CLDN14: variants seen among roughly 807,000 people sequenced by gnomAD.
The protein encoded by CLDN14 is claudin 14.
In CLDN14, 2 loss-of-function variants were observed where a neutral mutation model predicts 2.1. The observed-to-expected ratio is 0.96, with a 90% CI of 0.39 to 3.01. CLDN14 has a LOEUF of 3.01. Ranked by LOEUF, CLDN14 falls within the 30% of genes most tolerant of loss-of-function variation. The pLI, the probability that CLDN14 is intolerant of heterozygous loss-of-function variation, is 0.09. For missense variants in CLDN14, 298 were observed against 328.0 expected (o/e 0.91, Z 0.71); for synonymous variants, 136 against 154.4 (o/e 0.88, Z 0.88).
chr21:36,513,051 A>C (rs1029923109), intron 1 of CLDN14, among the ~76,000 whole-genome samples: 1 of 152,130 alleles, frequency 6.6e-6, no homozygotes, highest in African/African-American at 2.4e-5. Context: ...CTCCTTGTTT[A>C]CAGAATCCCA....
intron 1 of CLDN14, among the ~76,000 whole-genome samples, chr21:36,547,786 G>C (rs1008032790): frequency 2.0e-5 from 3 of 152,210 alleles, no homozygotes; most frequent in Admixed American, 1.3e-4. Context: ...GCCTCCATCA[G>C]CTGGTGGCCA....
Position 36,461,474 on chromosome 21 carries a change from G to A in CLDN14, c.222C>T (p.Pro74=). 6.2e-7 allele frequency: 1 copy of A among 1,613,410 alleles called. No homozygotes were observed. The highest frequency in any genetic ancestry group is 8.5e-7 in the Non-Finnish European group (1 of 1,180,008). The part of the protein sequence containing the change: ...CQIYRSLLAL[P]QDLQAARALM... ...GGGCGCGGGCAGCCTGGAGGTCTTG[G>A]GGCAGCGCCAGCAGGGATCGGTAGA... The change falls in exon 2 of 2, where the codon CCC becomes CCT. Residue 74 remains proline, a synonymous_variant. Transcript: ENST00000399135.
At chr21:36,543,144 G>A (rs796447720) in intron 1 of CLDN14, among the ~76,000 whole-genome samples, 27 of 152,294 alleles carry the variant, frequency 1.8e-4, no homozygotes, top group African/African-American at 6.0e-4. Flanking sequence ...CAACTGCTGG[G>A]GCAGGGGCTG....
intron 2 of CLDN14, among the ~76,000 whole-genome samples, chr21:36,501,524 C>T (rs1426115999): frequency 6.6e-6 from 1 of 151,662 alleles, no homozygotes; most frequent in African/African-American, 2.4e-5. Context: ...ACATTTGGGC[C>T]TGAGACTATG....
chr21:36,490,074 ATC>A (rs1268384891), intron 2 of CLDN14, among the ~76,000 whole-genome samples: 1 of 152,238 alleles, frequency 6.6e-6, no homozygotes, highest in Non-Finnish European at 1.5e-5. Context: ...CGCTGGAAGC[ATC>A]TCTCTAGATT....
At chr21:36,539,500 AGT>A (rs1449133706) in intron 1 of CLDN14, among the ~76,000 whole-genome samples, 1 of 18,778 alleles carries the variant, frequency 5.3e-5, no homozygotes, top group Non-Finnish European at 1.5e-4. Context: ...GTGTGTGCAG[AGT>A]GTGTGGAGTG....
chr21:36,467,949 C>T (rs1483146092), intron 1 of CLDN14, among the ~76,000 whole-genome samples: 1 of 152,184 alleles, frequency 6.6e-6, no homozygotes, highest in African/African-American at 2.4e-5. Context: ...CTGAGCCCTA[C>T]TGTGCAGGTA....
chr21:36,480,860 G>A (rs1041215056), upstream of CLDN14: 1 of 152,134 alleles, frequency 6.6e-6, no homozygotes, highest in African/African-American at 2.4e-5. Context: ...AAAAAAAGAT[G>A]CAGCGAAGGA....
chr21:36,503,858 G>C (rs1224989126), intron 2 of CLDN14, among the ~76,000 whole-genome samples: 1 of 151,794 alleles, frequency 6.6e-6, no homozygotes, highest in Admixed American at 6.6e-5. Context: ...TAGCTTCCAG[G>C]TATAAGTAGA....
rs533203600 is a variant in CLDN14 at position 36,503,508 on chromosome 21, T to C, written c.-82+6855A>G. On this transcript the variant is annotated intron_variant, in intron 2 of 2. Coordinates refer to the CLDN14 transcript ENST00000342108. ...ATGGTTTTAAAAATGGGAGTTTCCC[T>C]CACAAGCTCTCTCTTTGCCTGTCGC... 2.0e-5 allele frequency among the ~76,000 whole-genome samples: 3 copies of C among 152,318 alleles called. No individual in the cohort carries two copies. In the South Asian group the frequency reaches 6.2e-4, roughly 32 times the overall value.
rs542255946 is a variant in CLDN14, at chr21:36,551,005, C to T, written c.-220+25406G>A. Among the ~76,000 whole-genome samples, 3 of 152,260 alleles carry T rather than the reference C, an allele frequency of 2.0e-5. No homozygotes were observed. Among genetic ancestry groups the T allele is most frequent in the South Asian group, 2.1e-4 (1 of 4,820 alleles). On this transcript the variant is annotated intron_variant, in intron 1 of 2. Transcript: ENST00000342108. This position sits in a 1 kb window ranked among gnomAD's most constrained non-coding sequence, Gnocchi z 4.8. ...AGAAGCAGGCACCAGGGGAAGGCCA[C>T]GTGAAGAGGGAGGCAGAGACTGCAG... is the stretch of plus-strand genomic sequence containing the variant.
At chr21:36,549,147 T>G (rs1267029605) in intron 1 of CLDN14, among the ~76,000 whole-genome samples, 2 of 145,150 alleles carry the variant, frequency 1.4e-5, no homozygotes, top group African/African-American at 2.6e-5. Context: ...TAGCTGGTGT[T>G]TTTTTTTTTT....
chr21:36,570,418 C>T (rs747101317), intron 1 of CLDN14, among the ~76,000 whole-genome samples: 2 of 152,162 alleles, frequency 1.3e-5, no homozygotes, highest in Non-Finnish European at 2.9e-5. Context: ...ATGACCTGAA[C>T]TAGTTTTTTA....
chr21:36,484,955 G>A (rs141184876), upstream of CLDN14, among the ~76,000 whole-genome samples: 9,809 of 151,448 alleles, frequency 0.065, 462 homozygotes, highest in East Asian at 0.17. Context: ...CAGGTGATCC[G>A]CCTGCCTCGG....
intron 1 of CLDN14, among the ~76,000 whole-genome samples, chr21:36,574,628 G>T (rs756382913): frequency 2.0e-5 from 3 of 152,168 alleles, no homozygotes; most frequent in Non-Finnish European, 4.4e-5. Context: ...GTTTTGATTG[G>T]TGGTTACCAA....
At chr21:36,573,400 TA>T (rs1386080308) in intron 1 of CLDN14, among the ~76,000 whole-genome samples, 1 of 152,066 alleles carries the variant, frequency 6.6e-6, no homozygotes, top group Admixed American at 6.5e-5. Context: ...GTGTGAATTA[TA>T]AGTAGTTACA....
intron 1 of CLDN14, among the ~76,000 whole-genome samples, chr21:36,573,531 A>C (rs1467606651): frequency 6.6e-6 from 1 of 152,162 alleles, no homozygotes; most frequent in Non-Finnish European, 1.5e-5. Flanking sequence ...AATTATCCTC[A>C]TCAAAACTAT....
At chr21:36,525,444 C>CAGAGGCCAGGAGAAAGAAAAGG (rs1293597662) in intron 1 of CLDN14, among the ~76,000 whole-genome samples, 50 of 151,678 alleles carry the variant, frequency 3.3e-4, no homozygotes, top group South Asian at 1.0e-3. Flanking sequence ...AGAAAAGGTT[C>CAGAGGCCAGGAGAAAGAAAAGG]TGAGGCCAGG....
intron 1 of CLDN14, among the ~76,000 whole-genome samples, chr21:36,555,305 C>T (rs1568880305): frequency 1.3e-5 from 1 of 74,824 alleles, no homozygotes; most frequent in Admixed American, 1.2e-4. Context: ...AAAACACAAG[C>T]CAAAAGAGGA....
Sources: allele counts gnomAD v4.1 joint callset (sites outside exome capture counted in the v4.1 genomes callset), GRCh38; gene constraint gnomAD v4.1.1; non-coding constraint Gnocchi (gnomAD v3.1); transcripts MANE v1.5; gene names NCBI Gene and HGNC (gene_info 2026-07-23, HGNC 2026-07-21).